Variants in PKHD1 observed in about 807,000 individuals in gnomAD.
PKHD1 encodes the protein PKHD1 ciliary IPT domain containing fibrocystin/polyductin, also known as fibrocystin.
In PKHD1, 291 loss-of-function variants were observed where a neutral mutation model predicts 412.0. That is an observed-to-expected ratio of 0.71 (90% CI 0.64 to 0.78). PKHD1 has a LOEUF of 0.78. PKHD1 is among the 30% of genes least tolerant of loss of function. PKHD1 has a pLI of 0.00. For synonymous variants in PKHD1, 1,777 were observed against 1,821.5 expected, an observed-to-expected ratio of 0.98 and a Z score of 0.62; for missense variants, 4,825 against 4,950.7, an observed-to-expected ratio of 0.97 and a Z score of 0.76.
At position 51,955,181 on chromosome 6, in the gene PKHD1, G is replaced by A. The variant is rs148810162; in HGVS notation, c.5908+4689C>T. On this transcript the variant is annotated intron_variant, in intron 36 of 66. Coordinates refer to ENST00000371117, the MANE Select transcript of PKHD1 (RefSeq NM_138694.4). ...GGGTTAATTCTCTTTTGTGTTTAACGGTGCCCCTAAAAAATATTTTTTTTT... is the reference window on the plus strand; with the variant it reads ...GGGTTAATTCTCTTTTGTGTTTAACAGTGCCCCTAAAAAATATTTTTTTTT... 2.7e-4 allele frequency among the ~76,000 whole-genome samples: 40 copies of A among 150,026 alleles called. 1 individual carries two copies. Among genetic ancestry groups the A allele is most frequent in the East Asian group, 2.5e-3 (13 of 5,156 alleles).
In PKHD1 at chr6:51,683,273, C is replaced by T. The variant is rs1296882674; in HGVS notation, c.10157-23304G>A. 2.6e-5 allele frequency among the ~76,000 whole-genome samples: 4 copies of T among 151,990 alleles called. 1 individual carries two copies. The highest frequency in any genetic ancestry group is 6.6e-5 in the Admixed American group (1 of 15,222). ...AGGTGAGCAAATTTTAAGGACAATT[C>T]GGGATCCAATTTTGAGTCAGAAAAC... On this transcript the variant is annotated intron_variant, in intron 60 of 66. Coordinates refer to ENST00000371117, the MANE Select transcript of PKHD1 (RefSeq NM_138694.4).
intron 66 of PKHD1, among the ~76,000 whole-genome samples, chr6:51,620,451 C>T (rs942200538): frequency 3.3e-5 from 5 of 152,142 alleles, no homozygotes; most frequent in Admixed American, 2.6e-4. Context: ...ATATGCCTTA[C>T]AGTGAGAAAA....
chr6:51,808,450 T>C (rs1764181115), intron 52 of PKHD1, among the ~76,000 whole-genome samples: 3 of 152,060 alleles, frequency 2.0e-5, no homozygotes, highest in South Asian at 2.1e-4. Context: ...AAAATTGAAA[T>C]TAAAATTAAA....
chr6:51,972,820 T>A (rs1055312386), intron 35 of PKHD1, among the ~76,000 whole-genome samples: 2 of 152,192 alleles, frequency 1.3e-5, no homozygotes, highest in Non-Finnish European at 2.9e-5. Context: ...TTGAGCAACA[T>A]TAGAGGTAAA....
intron 35 of PKHD1, among the ~76,000 whole-genome samples, chr6:52,000,951 T>A (rs532703952): frequency 1.3e-5 from 2 of 152,292 alleles, no homozygotes; most frequent in South Asian, 4.1e-4. Flanking sequence ...TCAGGCTAAT[T>A]TCCTGAATTC....
intron 43 of PKHD1, among the ~76,000 whole-genome samples, chr6:51,897,939 G>A (rs923147516): frequency 9.9e-5 from 15 of 152,208 alleles, no homozygotes; most frequent in East Asian, 3.9e-4. Flanking sequence ...AATGGTAAAC[G>A]GATCAATTCA....
At chr6:52,055,769 T>C (rs1162752440) in intron 18 of PKHD1, 40 bp from the exon 19 acceptor site, 1 of 1,608,802 alleles carries the variant, frequency 6.2e-7, no homozygotes, top group Admixed American at 1.7e-5. Context: ...CAGGCATAGA[T>C]ATTAAAAAAG....
Position 52,058,410 on chromosome 6 carries a change from G to A in PKHD1, c.1425C>T (p.Asn475=), listed in dbSNP as rs200745148. The A allele has an allele frequency of 3.1e-5, 50 of 1,614,034 alleles. No homozygotes were observed. The highest frequency in any genetic ancestry group is 4.2e-5 in the Non-Finnish European group (49 of 1,180,008). The part of the protein sequence containing the change: ...RGMRIGVQIH[N]TWLNPDVVTT... ...TGACCACATCAGGATTCAGCCAGGTGTTGTGAATCTGGACACCAATCCTCA... is the reference window on the plus strand; with the variant it reads ...TGACCACATCAGGATTCAGCCAGGTATTGTGAATCTGGACACCAATCCTCA... Residue 475 remains asparagine, a synonymous_variant, in exon 16 of 67, where the codon AAC becomes AAT. Transcript: ENST00000371117.
At chr6:51,649,398 GAT>G (rs1250783694) in intron 61 of PKHD1, among the ~76,000 whole-genome samples, 178 bp from the exon 62 acceptor site, 1 of 152,088 alleles carries the variant, frequency 6.6e-6, no homozygotes, top group Non-Finnish European at 1.5e-5. Flanking sequence ...GTATGTATTT[GAT>G]ATGTTTTCTT....
At chr6:51,947,602 T>C (rs1789661864) in intron 36 of PKHD1, among the ~76,000 whole-genome samples, 1 of 152,138 alleles carries the variant, frequency 6.6e-6, no homozygotes, top group African/African-American at 2.4e-5. Context: ...TCTTACTTCT[T>C]AGGCATCCTC....
chr6:51,804,861 T>C (rs946528973), intron 52 of PKHD1, among the ~76,000 whole-genome samples: 11 of 152,064 alleles, frequency 7.2e-5, no homozygotes, highest in African/African-American at 2.4e-4. Context: ...ATGGCTATTA[T>C]TAAAAAGTCA....
chr6:51,991,161 T>C (rs1796997676), intron 35 of PKHD1, among the ~76,000 whole-genome samples: 1 of 152,210 alleles, frequency 6.6e-6, no homozygotes, highest in Non-Finnish European at 1.5e-5. Flanking sequence ...ACTTCACTTA[T>C]TTGGGTCTCC....
rs189999677 is a variant in PKHD1, at chr6:51,712,428, C to G, written c.10156+31957G>C. Among the ~76,000 whole-genome samples, 193 of 152,250 alleles carry G rather than the reference C, an allele frequency of 1.3e-3. 1 individual carries two copies. The highest frequency in any genetic ancestry group is 6.0e-3 in the Admixed American group (91 of 15,288). ...TGTTTTTAGTATTTTTGTAATAATA[C>G]AGGTTGACCATGAATTTAAACCATT... On this transcript the variant is annotated intron_variant, in intron 60 of 66. Transcript: ENST00000371117.
Position 51,707,650 on chromosome 6 carries a change from G to A in PKHD1, c.10156+36735C>T, listed in dbSNP as rs577368432. The stretch of plus-strand genomic sequence containing the variant: ...AATGTTTTACTCTCACCATCCCTAC[G>A]TACTCCCACTTACCCCCAACCCATT... On this transcript the variant is annotated intron_variant, in intron 60 of 66. Coordinates refer to ENST00000371117, the MANE Select transcript of PKHD1 (RefSeq NM_138694.4). Among the ~76,000 whole-genome samples the A allele has an allele frequency of 1.1e-4, 16 of 151,762 alleles. 1 individual carries two copies. The highest frequency in any genetic ancestry group is 1.5e-4 in the Non-Finnish European group (10 of 67,954).
intron 39 of PKHD1, among the ~76,000 whole-genome samples, chr6:51,910,737 T>C (rs561696068): frequency 6.6e-6 from 1 of 151,912 alleles, no homozygotes; most frequent in East Asian, 1.9e-4. Flanking sequence ...TTCTGCAGAA[T>C]TGATAAAGTT....
chr6:51,726,148 G>A (rs887098440), intron 60 of PKHD1, among the ~76,000 whole-genome samples: 3 of 152,106 alleles, frequency 2.0e-5, no homozygotes, highest in African/African-American at 4.8e-5. Context: ...CAGGGTAAAT[G>A]AGCTGCTTTT....
At chr6:51,955,958 CTGT>C (rs944921377) in intron 36 of PKHD1, among the ~76,000 whole-genome samples, 6 of 151,908 alleles carry the variant, frequency 3.9e-5, no homozygotes, top group African/African-American at 1.2e-4. Flanking sequence ...GGGTGAGTTA[CTGT>C]TGTTGTTGTT....
intron 50 of PKHD1, among the ~76,000 whole-genome samples, chr6:51,839,282 A>G (rs1375652149): frequency 6.6e-6 from 1 of 152,232 alleles, no homozygotes; most frequent in African/African-American, 2.4e-5. Context: ...ATGTTTTCTC[A>G]GTGCTTATGA....
intron 60 of PKHD1, among the ~76,000 whole-genome samples, chr6:51,670,032 G>A (rs545402795): frequency 6.6e-6 from 1 of 150,882 alleles, no homozygotes; most frequent in Non-Finnish European, 1.5e-5. Context: ...TGGTGATTTG[G>A]GGTGGAGAGT....
Sources: gnomAD v4.1 joint callset for allele counts (sites outside exome capture counted in the v4.1 genomes callset) on GRCh38, gnomAD v4.1.1 for gene constraint, MANE v1.5 for transcripts, NCBI Gene and HGNC (gene_info 2026-07-23, HGNC 2026-07-21) for gene names.